HS2ST1: variants seen among roughly 807,000 people sequenced by gnomAD.
The protein encoded by HS2ST1 is heparan sulfate 2-O-sulfotransferase 1, also known as 2-O-sulfotransferase.
Under a neutral mutation model 42.9 loss-of-function variants are expected in HS2ST1, and 18 were observed. The ratio of observed to expected loss-of-function variants is 0.42; its 90% CI spans 0.29 to 0.62. The LOEUF (loss-of-function observed/expected upper bound fraction) is 0.62. Ranked by LOEUF, HS2ST1 falls within the 20% of genes least tolerant of loss-of-function variation. HS2ST1 has a pLI of 0.21. For missense variants in HS2ST1, 334 were observed against 433.8 expected, an observed-to-expected ratio of 0.77 and a Z score of 2.04; for synonymous variants, 146 against 152.9, an observed-to-expected ratio of 0.95 and a Z score of 0.33.
At chr1:87,060,862 A>G (rs1651102220) in intron 1 of HS2ST1, among the ~76,000 whole-genome samples, 1 of 152,120 alleles carries the variant, frequency 6.6e-6, no homozygotes, top group Non-Finnish European at 1.5e-5. Context: ...AAAGAAAAGA[A>G]TTGGTGTTTT....
chr1:86,962,953 A>G (rs975848277), intron 1 of HS2ST1, among the ~76,000 whole-genome samples: 9 of 152,158 alleles, frequency 5.9e-5, no homozygotes, highest in Non-Finnish European at 1.0e-4. Flanking sequence ...CTTCCAAGGT[A>G]GTGATTCTCC....
intron 1 of HS2ST1, among the ~76,000 whole-genome samples, chr1:86,915,456 C>T (rs964221480): frequency 2.0e-5 from 3 of 152,082 alleles, no homozygotes; most frequent in African/African-American, 7.2e-5. Context: ...GAGAGAAGAC[C>T]GAACTCAGTG....
intron 4 of HS2ST1, among the ~76,000 whole-genome samples, chr1:87,095,005 A>C (rs1237227082): frequency 6.6e-6 from 1 of 152,116 alleles, no homozygotes; most frequent in East Asian, 1.9e-4. Context: ...TTCAGTCTTG[A>C]AACATATTGG....
chr1:86,992,666 T>G (rs1648990128), intron 1 of HS2ST1, among the ~76,000 whole-genome samples: 1 of 152,222 alleles, frequency 6.6e-6, no homozygotes, highest in African/African-American at 2.4e-5. Flanking sequence ...CTGGCAAATT[T>G]TTTGTTTCTT....
intron 1 of HS2ST1, among the ~76,000 whole-genome samples, chr1:87,039,712 G>T (rs1366122843): frequency 6.6e-6 from 1 of 152,122 alleles, no homozygotes; most frequent in African/African-American, 2.4e-5. Context: ...TGTGGCACTG[G>T]CTATGGTTTT....
At chr1:86,999,831 T>C (rs1030774457) in intron 1 of HS2ST1, among the ~76,000 whole-genome samples, 3 of 152,198 alleles carry the variant, frequency 2.0e-5, no homozygotes, top group Non-Finnish European at 2.9e-5. Flanking sequence ...AGAGTAGGTA[T>C]GGAATTCACG....
intron 2 of HS2ST1, among the ~76,000 whole-genome samples, chr1:87,075,025 A>T (rs1651501905): frequency 6.6e-6 from 1 of 152,106 alleles, no homozygotes; most frequent in Non-Finnish European, 1.5e-5. Context: ...AGTAAGCTTC[A>T]TCTAAATGTA....
intron 1 of HS2ST1, among the ~76,000 whole-genome samples, chr1:87,022,053 C>A (rs1570491769): frequency 6.6e-6 from 1 of 151,952 alleles, no homozygotes. Context: ...TCCCAAAATT[C>A]TTTTGAGAGA....
At chr1:86,921,785 T>G (rs1021878119) in intron 1 of HS2ST1, among the ~76,000 whole-genome samples, 10 of 152,222 alleles carry the variant, frequency 6.6e-5, no homozygotes, top group African/African-American at 2.2e-4. Flanking sequence ...GGTATTTTGT[T>G]ATAGTACCAC....
At chr1:87,015,779 TA>T in intron 1 of HS2ST1, among the ~76,000 whole-genome samples, 1 of 152,332 alleles carries the variant, frequency 6.6e-6, no homozygotes, top group African/African-American at 2.4e-5. Flanking sequence ...TTGAAAATTA[TA>T]GCCAATGAAA....
intron 5 of HS2ST1, among the ~76,000 whole-genome samples, chr1:87,103,093 A>G (rs1343842864): frequency 6.6e-6 from 1 of 152,260 alleles, no homozygotes; most frequent in Non-Finnish European, 1.5e-5. Context: ...AACAGAATTT[A>G]GAGTAGTTTA....
intron 5 of HS2ST1, among the ~76,000 whole-genome samples, chr1:87,101,071 C>G (rs955101353): frequency 1.3e-5 from 2 of 150,976 alleles, no homozygotes; most frequent in South Asian, 2.1e-4. Context: ...CACAGCCAGG[C>G]CACATCTTAA....
At chr1:86,987,681 A>G (rs2102227599) in intron 1 of HS2ST1, among the ~76,000 whole-genome samples, 1 of 152,126 alleles carries the variant, frequency 6.6e-6, no homozygotes, top group Non-Finnish European at 1.5e-5. Flanking sequence ...CTCTGCCATT[A>G]CCTTTCTGAT....
At chr1:87,062,661 A>G (rs774950855) in intron 1 of HS2ST1, among the ~76,000 whole-genome samples, 1 of 151,902 alleles carries the variant, frequency 6.6e-6, no homozygotes, top group South Asian at 2.1e-4. Context: ...ATGTTTTAAG[A>G]TTTCTTCTTT....
chr1:87,053,259 T>C (rs1235020661), intron 1 of HS2ST1, among the ~76,000 whole-genome samples: 3 of 152,204 alleles, frequency 2.0e-5, no homozygotes, highest in African/African-American at 4.8e-5. Flanking sequence ...TAGACAGTTC[T>C]GGCATTTCTT....
chr1:87,076,918 C>T (rs1203121208), intron 2 of HS2ST1, among the ~76,000 whole-genome samples: 1 of 152,176 alleles, frequency 6.6e-6, no homozygotes, highest in African/African-American at 2.4e-5. Flanking sequence ...AATTCACTCT[C>T]AAGCCAACTT....
At position 87,002,536 on chromosome 1, in the gene HS2ST1, A is replaced by G. The variant is rs566702390; in HGVS notation, c.125-70398A>G. On this transcript the variant is annotated intron_variant, in intron 1 of 6. Transcript: ENST00000370550. ...CCCAAGCCTGGGAGGTTGAGGCTGC[A>G]GTGAGCTGTGCTGTGATTGCACCAC... 5.1e-4 allele frequency among the ~76,000 whole-genome samples: 77 copies of G among 151,742 alleles called. 1 individual carries two copies. Among genetic ancestry groups the G allele is most frequent in the African/African-American group, 1.7e-3 (72 of 41,376 alleles).
intron 2 of HS2ST1, among the ~76,000 whole-genome samples, chr1:87,073,748 T>C (rs539483620): frequency 1.5e-3 from 236 of 152,330 alleles, no homozygotes; most frequent in African/African-American, 5.6e-3. Context: ...AATTATCTTA[T>C]GAAATAAAAT....
intron 1 of HS2ST1, among the ~76,000 whole-genome samples, chr1:87,035,811 G>T (rs1483435409): frequency 2.6e-5 from 4 of 151,112 alleles, no homozygotes; most frequent in African/African-American, 4.9e-5. Context: ...GAAGACGAAA[G>T]ACTTTTTTTT....
Sources: allele counts gnomAD v4.1 joint callset (sites outside exome capture counted in the v4.1 genomes callset), GRCh38; gene constraint gnomAD v4.1.1; transcripts MANE v1.5; gene names NCBI Gene and HGNC (gene_info 2026-07-23, HGNC 2026-07-21).